The following CDH2 variants were observed in gnomAD, a reference collection of about 807,000 sequenced individuals.
CDH2 encodes the protein cadherin-2.
In CDH2, 17 loss-of-function variants were observed where a neutral mutation model predicts 92.0. The ratio of observed to expected loss-of-function variants is 0.18; its 90% confidence interval spans 0.13 to 0.28. CDH2 has a LOEUF of 0.28. CDH2 is among the 10% of genes least tolerant of loss of function. The probability of loss-of-function intolerance (pLI) is 1.00; values close to 1 mark genes in which losing one functional copy is unlikely to be tolerated. For synonymous variants in CDH2, 419 were observed against 415.9 expected (o/e 1.01, Z -0.09); for missense variants, 862 against 1,133.1 (o/e 0.76, Z 3.44).
At chr18:27,964,323 TC>T (rs2011485407) in intron 14 of CDH2, among the ~76,000 whole-genome samples, 1 of 152,144 alleles carries the variant, frequency 6.6e-6, no homozygotes, top group South Asian at 2.1e-4. Flanking sequence ...GGTTGGGCCC[TC>T]AGAACTATTT....
In CDH2 at chr18:27,985,073, C is replaced by T. The variant is rs1382664415; in HGVS notation, c.2136G>A (p.Val712=). ...CAAGCCCCGCACCCACAATCCTGTCCACATCTGTGCAGTCCCCGTTGGAGT... is the reference window on the plus strand; with the variant it reads ...CAAGCCCCGCACCCACAATCCTGTCTACATCTGTGCAGTCCCCGTTGGAGT... ...QCDSNGDCTD[V]DRIVGAGLGT... The change falls in exon 13 of 16, where the codon GTG becomes GTA. Residue 712 remains valine (V), a synonymous_variant. Coordinates refer to ENST00000269141, the MANE Select transcript of CDH2 (RefSeq NM_001792.5). 8 of 1,614,198 alleles carry T rather than the reference C, an allele frequency of 5.0e-6. No homozygotes were observed. Among genetic ancestry groups the T allele is most frequent in the African/African-American group, 1.3e-5 (1 of 75,054 alleles).
intron 2 of CDH2, among the ~76,000 whole-genome samples, chr18:28,117,989 T>C (rs545625918): frequency 1.1e-4 from 16 of 152,216 alleles, no homozygotes; most frequent in African/African-American, 3.6e-4. Flanking sequence ...CTTAATTTAT[T>C]AAAAATAAAA....
At chr18:28,176,062 C>T (rs1001244119) in intron 1 of CDH2, among the ~76,000 whole-genome samples, 1 of 152,174 alleles carries the variant, frequency 6.6e-6, no homozygotes, top group Non-Finnish European at 1.5e-5. Flanking sequence ...CGTGCAGTGG[C>T]GAGGGAACCT....
chr18:28,010,709 G>A (rs8090262), intron 4 of CDH2, among the ~76,000 whole-genome samples: 5,286 of 150,798 alleles, frequency 0.035, 136 homozygotes, highest in African/African-American at 0.075. Context: ...TCACTCTGTC[G>A]TCCAGGCTGG....
At position 28,013,703 on chromosome 18, in the gene CDH2, A is replaced by C. The variant is rs781533778; in HGVS notation, c.379T>G (p.Leu127Val). The change falls in exon 3 of 16, where the codon TTA (leucine) becomes GTA (valine). Residue 127 changes from leucine to valine, a missense_variant. By Grantham distance (32) the Leu-to-Val change is conservative. This residue lies in a region of CDH2 where 159 missense variants were observed against 177.2 expected (regional missense o/e 0.90). Transcript: ENST00000269141. ...VAVKLSLKPT[L>V]TEESVKESAE... is the part of the protein sequence containing the mutation. Reference sequence around the variant, plus strand: ...TATACCTTCACTGACTCCTCAGTTAAGGTTGGCTTCAGGCTCAATTTTACT... The same window carrying C: ...TATACCTTCACTGACTCCTCAGTTACGGTTGGCTTCAGGCTCAATTTTACT... 1 of 1,613,772 alleles carries C rather than the reference A, an allele frequency of 6.2e-7. No homozygotes were observed. Among genetic ancestry groups the C allele is most frequent in the East Asian group, 2.2e-5 (1 of 44,856 alleles).
intron 2 of CDH2, among the ~76,000 whole-genome samples, chr18:28,130,464 G>A (rs2015748528): frequency 6.6e-6 from 1 of 152,246 alleles, no homozygotes; most frequent in African/African-American, 2.4e-5. Flanking sequence ...GTATCGTGAT[G>A]TAAAATGTAT....
chr18:27,976,263 C>T lies in CDH2; in HGVS notation c.2349+6681G>A, dbSNP rs2011826403. Among the ~76,000 whole-genome samples, 3 of 152,176 alleles carry T rather than the reference C, an allele frequency of 2.0e-5. No individual in the cohort carries two copies. In the South Asian group the frequency reaches 6.2e-4, roughly 32 times the overall value. On this transcript the variant is annotated intron_variant, in intron 14 of 15. Transcript: ENST00000269141. The stretch of plus-strand genomic sequence containing the variant: ...GCTGGCATTGCTCCTTGAACCAGAA[C>T]TCATGGTCTGAAGGGTTCCAGTTTC...
At chr18:28,167,016 G>A (rs1275344341) in intron 1 of CDH2, among the ~76,000 whole-genome samples, 3 of 152,066 alleles carry the variant, frequency 2.0e-5, no homozygotes, top group Non-Finnish European at 2.9e-5. Context: ...ACCCCTCAAT[G>A]TACCCTTTCC....
chr18:28,085,562 C>T (rs912406644), intron 2 of CDH2, among the ~76,000 whole-genome samples: 5 of 152,106 alleles, frequency 3.3e-5, no homozygotes, highest in African/African-American at 1.2e-4. Flanking sequence ...AAACAACTCC[C>T]CACTGTTGAC....
intron 2 of CDH2, among the ~76,000 whole-genome samples, chr18:28,134,772 C>T (rs892570187): frequency 2.0e-5 from 3 of 152,146 alleles, no homozygotes; most frequent in African/African-American, 2.4e-5. Flanking sequence ...ATCCTGTGTG[C>T]ACTTACTGAC....
intron 7 of CDH2, among the ~76,000 whole-genome samples, chr18:28,001,334 T>C (rs757341206): frequency 5.9e-5 from 9 of 152,172 alleles, no homozygotes; most frequent in Non-Finnish European, 1.2e-4. Flanking sequence ...AAACATCCAG[T>C]CTAAATGAGA....
chr18:28,043,374 G>C lies in CDH2; in HGVS notation c.173-29465C>G, dbSNP rs903434754. 8.1e-5 allele frequency among the ~76,000 whole-genome samples: 12 copies of C among 147,644 alleles called. No homozygotes were observed. The East Asian group carries it at 2.4e-3, about 29-fold the overall frequency. On this transcript the variant is annotated intron_variant, in intron 2 of 15. Transcript: ENST00000269141. The stretch of plus-strand genomic sequence containing the variant: ...ACAGTGTACACTGCTTGGGTGACAG[G>C]TACACCAAAATCTCAGAAATCACTA...
chr18:28,030,759 A>C (rs924514781), intron 2 of CDH2, among the ~76,000 whole-genome samples: 24 of 152,048 alleles, frequency 1.6e-4, no homozygotes, highest in Non-Finnish European at 3.4e-4. Context: ...ATGAAAACAA[A>C]AATCTTATTC....
chr18:27,958,441 T>G (rs1053023803), intron 15 of CDH2, among the ~76,000 whole-genome samples: 1 of 151,580 alleles, frequency 6.6e-6, no homozygotes, highest in Non-Finnish European at 1.5e-5. Context: ...TGAATACATA[T>G]ATACACACAT....
At chr18:28,099,912 T>A (rs10853682) in intron 2 of CDH2, among the ~76,000 whole-genome samples, 34,378 of 152,116 alleles carry the variant, frequency 0.23, 4,430 homozygotes, top group Non-Finnish European at 0.3. Context: ...GACAAACATC[T>A]GTGAAGTTAT....
chr18:28,084,738 C>A (rs1265800295), intron 2 of CDH2, among the ~76,000 whole-genome samples: 1 of 152,100 alleles, frequency 6.6e-6, no homozygotes, highest in Non-Finnish European at 1.5e-5. Flanking sequence ...ATCAATACAG[C>A]AAAGCACGAT....
At chr18:28,092,983 G>A (rs1468448990) in intron 2 of CDH2, among the ~76,000 whole-genome samples, 1 of 151,926 alleles carries the variant, frequency 6.6e-6, no homozygotes, top group African/African-American at 2.4e-5. Context: ...ACAAATGTAG[G>A]TAACACCGAG....
chr18:28,094,261 C>T lies in CDH2; in HGVS notation c.172+53412G>A, dbSNP rs187104131. On this transcript the variant is annotated intron_variant, in intron 2 of 15. Coordinates refer to ENST00000269141, the MANE Select transcript of CDH2 (RefSeq NM_001792.5). ...CAAAACTTTGGGAGGCTAAGGTGGG[C>T]GGATCACTTGAAGCCAGGAGTTCGA... 6.6e-5 allele frequency among the ~76,000 whole-genome samples: 10 copies of T among 152,048 alleles called. No individual in the cohort carries two copies. In the East Asian group the frequency reaches 1.6e-3, roughly 24 times the overall value.
chr18:28,089,444 T>C (rs2014996799), intron 2 of CDH2, among the ~76,000 whole-genome samples: 1 of 152,152 alleles, frequency 6.6e-6, no homozygotes, highest in Admixed American at 6.5e-5. Flanking sequence ...GTCAGTAGTG[T>C]TTCCTAGAAG....
Sources: gnomAD v4.1 joint callset for allele counts (sites outside exome capture counted in the v4.1 genomes callset) on GRCh38, gnomAD v4.1.1 for gene constraint, gnomAD v4.1.1 regional missense constraint, MANE v1.5 for transcripts, NCBI Gene and HGNC (gene_info 2026-07-23, HGNC 2026-07-21) for gene names.